Variants in RASGRF2 observed in about 807,000 individuals in gnomAD.
RASGRF2 encodes Ras protein specific guanine nucleotide releasing factor 2, also known as ras-specific guanine nucleotide-releasing factor 2.
Under a neutral mutation model 151.0 loss-of-function variants are expected in RASGRF2, and 76 were observed. That is an observed-to-expected ratio of 0.50 (90% CI 0.42 to 0.61). The LOEUF (loss-of-function observed/expected upper bound fraction) is 0.61, where lower values mean the gene tolerates loss of function less well. Ranked by LOEUF, RASGRF2 falls within the 20% of genes least tolerant of loss-of-function variation. The probability of loss-of-function intolerance (pLI) is 0.00; values close to 1 mark genes in which losing one functional copy is unlikely to be tolerated. For synonymous variants in RASGRF2, 504 were observed against 566.5 expected, an observed-to-expected ratio of 0.89 and a Z score of 1.57; for missense variants, 1,148 against 1,564.6, an observed-to-expected ratio of 0.73 and a Z score of 4.49.
chr5:81,161,111 T>G (rs1754373253), intron 17 of RASGRF2, among the ~76,000 whole-genome samples: 1 of 152,220 alleles, frequency 6.6e-6, no homozygotes, highest in Non-Finnish European at 1.5e-5. Context: ...CTGAGGATTA[T>G]GTTGTCCTAA....
At chr5:81,014,322 AGT>A (rs1749561749) in intron 1 of RASGRF2, among the ~76,000 whole-genome samples, 1 of 152,242 alleles carries the variant, frequency 6.6e-6, no homozygotes, top group African/African-American at 2.4e-5. Context: ...ATGGACTCAC[AGT>A]TCCACATGAC....
rs1754974160 is a variant in RASGRF2, at chr5:81,184,087, CCA to C, written c.2793+3808_2793+3809del. 2.6e-5 allele frequency among the ~76,000 whole-genome samples: 4 copies of C among 152,294 alleles called. No homozygotes were observed. In the South Asian group the frequency reaches 8.3e-4, roughly 32 times the overall value. ...AAATTGAGTTTATAGTTTAATGTTTCCACTGTTCATTCTCTCCTGGAGGTCAT... is the reference window on the plus strand; with the variant it reads ...AAATTGAGTTTATAGTTTAATGTTTCCTGTTCATTCTCTCCTGGAGGTCAT... On this transcript the variant is annotated intron_variant, in intron 18 of 26. Transcript: ENST00000265080.
intron 17 of RASGRF2, among the ~76,000 whole-genome samples, chr5:81,162,341 T>C (rs1257034805): frequency 6.6e-6 from 1 of 151,984 alleles, no homozygotes; most frequent in Non-Finnish European, 1.5e-5. Context: ...GGGGGTTTTT[T>C]TGTTTTGTTT....
intron 1 of RASGRF2, among the ~76,000 whole-genome samples, chr5:81,011,613 T>C (rs1185014255): frequency 6.6e-6 from 1 of 152,124 alleles, no homozygotes; most frequent in Non-Finnish European, 1.5e-5. Flanking sequence ...TGGTGGCACA[T>C]GCCTGTAATC....
At chr5:81,120,995 T>TG (rs1253294739) in intron 15 of RASGRF2, among the ~76,000 whole-genome samples, 9 of 152,112 alleles carry the variant, frequency 5.9e-5, no homozygotes, top group Non-Finnish European at 1.3e-4. Context: ...GGTTTTTTGT[T>TG]TTTGTTTTTG....
At position 81,187,729 on chromosome 5, in the gene RASGRF2, C is replaced by T. The variant is rs1490018176; in HGVS notation, c.2793+7448C>T. ...CTTATTAAGGTGGAAAAGTGTGTGA[C>T]GGTGTGATGGCCTCTACTTAGTGTG... On this transcript the variant is annotated intron_variant, in intron 18 of 26. Transcript: ENST00000265080. 4.6e-5 allele frequency among the ~76,000 whole-genome samples: 7 copies of T among 152,262 alleles called. No individual in the cohort carries two copies. The South Asian group carries it at 8.3e-4, about 18-fold the overall frequency.
chr5:81,224,203 A>G (rs1755923165), intron 26 of RASGRF2, among the ~76,000 whole-genome samples: 1 of 152,252 alleles, frequency 6.6e-6, no homozygotes, highest in Non-Finnish European at 1.5e-5. Context: ...TATTTTTTAA[A>G]TGCTCAACTT....
At chr5:80,979,992 A>G (rs1479363880) in intron 1 of RASGRF2, among the ~76,000 whole-genome samples, 1 of 152,182 alleles carries the variant, frequency 6.6e-6, no homozygotes, top group African/African-American at 2.4e-5. Context: ...TTCTTTATAC[A>G]GCTACAGCAT....
intron 18 of RASGRF2, among the ~76,000 whole-genome samples, chr5:81,191,415 C>A (rs1755151241): frequency 6.6e-6 from 1 of 152,104 alleles, no homozygotes; most frequent in East Asian, 1.9e-4. Flanking sequence ...CTTTCTTTGT[C>A]AGTCTTTTTC....
chr5:81,207,450 T>C (rs1755534026), intron 21 of RASGRF2, 101 bp downstream of exon 21: 4 of 958,566 alleles, frequency 4.2e-6, no homozygotes, highest in East Asian at 5.1e-5. Flanking sequence ...GTCCCCTCAG[T>C]TCCTGTGTGA....
At chr5:81,053,183 T>A (rs1464997943) in intron 2 of RASGRF2, among the ~76,000 whole-genome samples, 7 of 151,940 alleles carry the variant, frequency 4.6e-5, no homozygotes, top group Non-Finnish European at 5.9e-5. Context: ...CCTGCAGGTT[T>A]GTTACATATG....
At chr5:80,995,697 T>TCCCG (rs1450275711) in intron 1 of RASGRF2, among the ~76,000 whole-genome samples, 1 of 117,274 alleles carries the variant, frequency 8.5e-6, no homozygotes, top group African/African-American at 3.1e-5. Context: ...CCCCCCCTTT[T>TCCCG]TTTTTTTTTT....
intron 21 of RASGRF2, 96 bp downstream of exon 21, chr5:81,207,445 C>T: frequency 2.0e-6 from 2 of 1,021,374 alleles, no homozygotes; most frequent in South Asian, 1.5e-5. Flanking sequence ...TGTCTGTCCC[C>T]TCAGTTCCTG....
intron 14 of RASGRF2, 78 bp downstream of exon 14, chr5:81,112,936 G>A (rs984940479): frequency 1.3e-6 from 2 of 1,567,482 alleles, no homozygotes; most frequent in Non-Finnish European, 1.7e-6. Context: ...GGATGAGCAG[G>A]CCAGCTCTGC....
chr5:81,031,921 A>G (rs1282763642), intron 1 of RASGRF2, among the ~76,000 whole-genome samples: 2 of 152,204 alleles, frequency 1.3e-5, no homozygotes, highest in Non-Finnish European at 2.9e-5. Context: ...ATAAAGAAGA[A>G]AAGAGAGAAG....
At chr5:81,192,579 C>T (rs1313904608) in intron 18 of RASGRF2, among the ~76,000 whole-genome samples, 3 of 152,190 alleles carry the variant, frequency 2.0e-5, no homozygotes, top group South Asian at 2.1e-4. Flanking sequence ...GTGAGCAAGG[C>T]GAGCGGGTCC....
chr5:81,092,281 G>A (rs1752411428), intron 9 of RASGRF2, among the ~76,000 whole-genome samples: 1 of 150,646 alleles, frequency 6.6e-6, no homozygotes, highest in Non-Finnish European at 1.5e-5. Context: ...AAATTTCACT[G>A]AATTATATAA....
chr5:81,112,873 A>T lies in RASGRF2; in HGVS notation c.2087+15A>T. The T allele has an allele frequency of 6.2e-7, 1 of 1,613,990 alleles. No homozygotes were observed. The highest frequency in any genetic ancestry group is 8.5e-7 in the Non-Finnish European group (1 of 1,179,960). On this transcript the variant is annotated intron_variant, in intron 14 of 26. Transcript: ENST00000265080. The stretch of plus-strand genomic sequence containing the variant: ...ATCCCTGTCAGGTACACCTATTGCT[A>T]GAGGTTAGCCTGTCATTCGCATATG...
At chr5:81,067,371 G>C (rs532077142) in intron 2 of RASGRF2, among the ~76,000 whole-genome samples, 94 of 152,314 alleles carry the variant, frequency 6.2e-4, no homozygotes, top group Non-Finnish European at 1.2e-3. Context: ...CTGAGAGTAA[G>C]TTTTGTTTTA....
Sources: gnomAD v4.1 joint callset for allele counts (sites outside exome capture counted in the v4.1 genomes callset) on GRCh38, gnomAD v4.1.1 for gene constraint, MANE v1.5 for transcripts, NCBI Gene and HGNC (gene_info 2026-07-23, HGNC 2026-07-21) for gene names.